The following MAP3K5 variants were observed in gnomAD, a reference collection of about 807,000 sequenced individuals.
MAP3K5 encodes the protein ASK-1.
MAP3K5 carries 56 observed loss-of-function variants against 158.7 expected under a neutral mutation model. The ratio of observed to expected loss-of-function variants is 0.35; its 90% CI spans 0.28 to 0.44. MAP3K5 has a LOEUF of 0.44. Among genes scored for constraint, MAP3K5 ranks in the 20% least tolerant of loss-of-function variants. MAP3K5 has a pLI of 1.00. For missense variants in MAP3K5, 1,294 were observed against 1,674.8 expected (o/e 0.77, Z 3.97); for synonymous variants, 579 against 601.7 (o/e 0.96, Z 0.55).
intron 1 of MAP3K5, among the ~76,000 whole-genome samples, chr6:136,783,279 A>AG (rs1440782201): frequency 2.0e-5 from 3 of 151,332 alleles, no homozygotes; most frequent in Non-Finnish European, 4.4e-5. Flanking sequence ...ATCTTCTTAA[A>AG]AAAAAAAAAA....
chr6:136,605,601 T>C (rs899097860), intron 18 of MAP3K5, among the ~76,000 whole-genome samples: 2 of 152,228 alleles, frequency 1.3e-5, no homozygotes, highest in African/African-American at 2.4e-5. Context: ...TATCTGGTTA[T>C]GAATAGGTAC....
intron 25 of MAP3K5, among the ~76,000 whole-genome samples, chr6:136,574,272 T>C (rs1304908528): frequency 2.0e-5 from 3 of 152,198 alleles, no homozygotes; most frequent in Non-Finnish European, 4.4e-5. Context: ...TAATGCTTAG[T>C]AAGATCATAA....
intron 26 of MAP3K5, among the ~76,000 whole-genome samples, chr6:136,567,025 C>G (rs562332599): frequency 6.6e-6 from 1 of 152,302 alleles, no homozygotes; most frequent in Admixed American, 6.5e-5. Flanking sequence ...AGACCTTGAA[C>G]TGTACCAACA....
intron 7 of MAP3K5, among the ~76,000 whole-genome samples, chr6:136,693,030 T>C (rs1780456988): frequency 6.6e-6 from 1 of 152,244 alleles, no homozygotes; most frequent in Non-Finnish European, 1.5e-5. Flanking sequence ...AAAATATTTT[T>C]CTAAAGTATT....
chr6:136,673,535 C>A (rs1324600534), intron 7 of MAP3K5, among the ~76,000 whole-genome samples: 1 of 151,896 alleles, frequency 6.6e-6, no homozygotes, highest in Non-Finnish European at 1.5e-5. Flanking sequence ...ATATAAACAA[C>A]TTCAAAAAAG....
In MAP3K5 at chr6:136,698,603, A is replaced by C; in HGVS notation, c.692T>G (p.Met231Arg). ...TTGCATGAGCTCTGTCAACCCCTTCATGAAGCTGCTGTCACAGCAGTAGAC... is the reference window on the plus strand; with the variant it reads ...TTGCATGAGCTCTGTCAACCCCTTCCTGAAGCTGCTGTCACAGCAGTAGAC... ...NKVYCCDSSF[M>R]KGLTELMQPN... The change falls in exon 4 of 30, where the codon ATG becomes AGG. Residue 231 changes from methionine (M) to arginine (R), a missense_variant. Coordinates refer to ENST00000359015, the MANE Select transcript of MAP3K5 (RefSeq NM_005923.4). The C allele has an allele frequency of 6.2e-7, 1 of 1,614,060 alleles. No homozygotes were observed. The highest frequency in any genetic ancestry group is 8.5e-7 in the Non-Finnish European group (1 of 1,179,964).
chr6:136,604,946 T>C (rs1776040121), intron 19 of MAP3K5, among the ~76,000 whole-genome samples: 1 of 152,208 alleles, frequency 6.6e-6, no homozygotes, highest in Admixed American at 6.5e-5. Context: ...TCATGTGTTA[T>C]TTATACTGCG....
At chr6:136,745,884 C>T (rs190913993) in intron 1 of MAP3K5, among the ~76,000 whole-genome samples, 4 of 152,294 alleles carry the variant, frequency 2.6e-5, no homozygotes, top group East Asian at 1.9e-4. Flanking sequence ...TTCTTAGTCA[C>T]GTTCCAAAGT....
At chr6:136,594,412 A>G (rs552743015) in intron 21 of MAP3K5, among the ~76,000 whole-genome samples, 1 of 152,310 alleles carries the variant, frequency 6.6e-6, no homozygotes, top group Admixed American at 6.5e-5. Flanking sequence ...TTTAGAGTCA[A>G]CATCTCGCTA....
At chr6:136,626,263 G>A (rs1180318190) in intron 14 of MAP3K5, among the ~76,000 whole-genome samples, 2 of 152,218 alleles carry the variant, frequency 1.3e-5, no homozygotes, top group Non-Finnish European at 2.9e-5. Context: ...TGCTAGGGCT[G>A]GAGTGAGCAC....
intron 1 of MAP3K5, among the ~76,000 whole-genome samples, chr6:136,734,961 C>T (rs1488868699): frequency 6.6e-6 from 1 of 152,220 alleles, no homozygotes; most frequent in Non-Finnish European, 1.5e-5. Flanking sequence ...CTGTTCCTCA[C>T]AGATGTGGAT....
At chr6:136,672,882 C>T (rs1225471393) in intron 7 of MAP3K5, among the ~76,000 whole-genome samples, 5 of 150,664 alleles carry the variant, frequency 3.3e-5, no homozygotes, top group African/African-American at 4.9e-5. Context: ...CCCAGCTACT[C>T]GGGAGGCTGA....
chr6:136,750,833 G>A (rs1329742192), intron 1 of MAP3K5, among the ~76,000 whole-genome samples: 1 of 152,136 alleles, frequency 6.6e-6, no homozygotes, highest in Non-Finnish European at 1.5e-5. Context: ...CTGCTCCTAA[G>A]GATCAACTAC....
intron 11 of MAP3K5, among the ~76,000 whole-genome samples, chr6:136,645,885 T>C (rs1437272882): frequency 2.0e-5 from 3 of 152,210 alleles, no homozygotes; most frequent in Non-Finnish European, 2.9e-5. Context: ...CTACATTCTC[T>C]ATTCTAATTT....
At chr6:136,603,964 T>C (rs535665791) in intron 19 of MAP3K5, among the ~76,000 whole-genome samples, 16 of 152,302 alleles carry the variant, frequency 1.1e-4, no homozygotes, top group Admixed American at 9.2e-4. Context: ...CAAGAGGCTA[T>C]GCACAGATGG....
At chr6:136,680,248 GTGGA>G (rs1345031256) in intron 7 of MAP3K5, among the ~76,000 whole-genome samples, 3 of 152,314 alleles carry the variant, frequency 2.0e-5, no homozygotes, top group African/African-American at 7.2e-5. Flanking sequence ...AAAATTTTCT[GTGGA>G]TGGATGGTGA....
intron 26 of MAP3K5, among the ~76,000 whole-genome samples, chr6:136,563,912 G>A (rs1309681542): frequency 6.6e-6 from 1 of 152,164 alleles, no homozygotes; most frequent in Non-Finnish European, 1.5e-5. Context: ...TCAAGAGTTT[G>A]TTTCTGCTTC....
At chr6:136,751,650 T>G (rs1783214137) in intron 1 of MAP3K5, among the ~76,000 whole-genome samples, 1 of 152,212 alleles carries the variant, frequency 6.6e-6, no homozygotes, top group African/African-American at 2.4e-5. Flanking sequence ...CTAGAAAAAC[T>G]GTGAAGACTG....
chr6:136,668,369 G>GTGAA (rs1431900153), intron 8 of MAP3K5, among the ~76,000 whole-genome samples: 1 of 152,020 alleles, frequency 6.6e-6, no homozygotes, highest in Admixed American at 6.6e-5. Flanking sequence ...GAGTGACAGA[G>GTGAA]TGAAACCTGG....
Sources: gnomAD v4.1 joint callset for allele counts (sites outside exome capture counted in the v4.1 genomes callset) on GRCh38, gnomAD v4.1.1 for gene constraint, MANE v1.5 for transcripts, NCBI Gene and HGNC (gene_info 2026-07-23, HGNC 2026-07-21) for gene names.